Variants in MBNL2 observed in about 807,000 individuals in gnomAD.
The protein encoded by MBNL2 is muscleblind-like protein 2.
A neutral mutation model predicts 41.9 loss-of-function variants in MBNL2; 17 were observed. The ratio of observed to expected loss-of-function variants is 0.41; its 90% CI spans 0.28 to 0.61. MBNL2 has a LOEUF of 0.61. Among genes scored for constraint, MBNL2 ranks in the 20% least tolerant of loss-of-function variants. The probability of loss-of-function intolerance (pLI) is 0.35; values close to 1 mark genes in which losing one functional copy is unlikely to be tolerated. For missense variants in MBNL2, 336 were observed against 505.6 expected (o/e 0.66, Z 3.22); for synonymous variants, 195 against 182.9 (o/e 1.07, Z -0.53).
At chr13:97,158,702 G>A in the MBNL2 span, among the ~76,000 whole-genome samples, 402 of 151,972 alleles carry the variant, frequency 2.6e-3, 1 homozygote, top group Middle Eastern at 3.4e-3. Context: ...GTAGTTGAGC[G>A]GTTTTGAGTG....
At chr13:97,285,815 G>A (rs947464115) in intron 2 of MBNL2, among the ~76,000 whole-genome samples, 1 of 151,920 alleles carries the variant, frequency 6.6e-6, no homozygotes, top group East Asian at 1.9e-4. Context: ...CTGATTTGGT[G>A]ATTCACTCTC....
At chr13:97,240,801 A>C (rs1035345854) in intron 1 of MBNL2, among the ~76,000 whole-genome samples, 5 of 152,144 alleles carry the variant, frequency 3.3e-5, no homozygotes, top group African/African-American at 1.2e-4. Context: ...CTACATTTGG[A>C]AAGTTTCATG....
chr13:97,292,461 G>A (rs1349377671), intron 2 of MBNL2, among the ~76,000 whole-genome samples: 7 of 152,092 alleles, frequency 4.6e-5, no homozygotes, highest in Non-Finnish European at 1.0e-4. Context: ...TGAAGCTCCC[G>A]TCACTAATAG....
intron 2 of MBNL2, among the ~76,000 whole-genome samples, chr13:97,322,801 C>A (rs2059612891): frequency 6.6e-6 from 1 of 152,178 alleles, no homozygotes; most frequent in Non-Finnish European, 1.5e-5. Flanking sequence ...ACACCAGCAA[C>A]CAAGGCACTC....
At chr13:97,321,527 G>A (rs1276383523) in intron 2 of MBNL2, among the ~76,000 whole-genome samples, 2 of 152,194 alleles carry the variant, frequency 1.3e-5, no homozygotes, top group African/African-American at 4.8e-5. Flanking sequence ...TAACCCCATA[G>A]TGTCTCCCAT....
At chr13:97,274,799 A>G (rs980691487) in intron 1 of MBNL2, among the ~76,000 whole-genome samples, 1 of 152,222 alleles carries the variant, frequency 6.6e-6, no homozygotes, top group Admixed American at 6.5e-5. Context: ...TATTTTAGAC[A>G]TCTGAACTTA....
chr13:97,192,067 C>G, the MBNL2 span, among the ~76,000 whole-genome samples: 4 of 152,184 alleles, frequency 2.6e-5, no homozygotes, highest in East Asian at 7.7e-4. Flanking sequence ...ATAACCTGAC[C>G]CCAGGCCTGT....
the MBNL2 span, among the ~76,000 whole-genome samples, chr13:97,177,476 T>C: frequency 6.6e-6 from 1 of 152,084 alleles, no homozygotes; most frequent in African/African-American, 2.4e-5. Context: ...AATAACTCTG[T>C]AGGAGTTTCA....
intron 2 of MBNL2, among the ~76,000 whole-genome samples, chr13:97,320,261 C>CTTTT (rs57742449): frequency 3.0e-5 from 4 of 134,538 alleles, no homozygotes; most frequent in Admixed American, 7.5e-5. Context: ...CTGGAAGGGT[C>CTTTT]TTTTTTTTTT....
At chr13:97,296,051 T>A (rs2056958888) in intron 2 of MBNL2, among the ~76,000 whole-genome samples, 1 of 152,196 alleles carries the variant, frequency 6.6e-6, no homozygotes, top group Non-Finnish European at 1.5e-5. Flanking sequence ...CAAGATATCT[T>A]ATTAGGTTTT....
chr13:97,146,271 C>T, the MBNL2 span, among the ~76,000 whole-genome samples: 1 of 151,764 alleles, frequency 6.6e-6, no homozygotes, highest in African/African-American at 2.4e-5. Context: ...AAAGTGCTGG[C>T]ATTACAGGCG....
At chr13:97,164,724 TTC>T in the MBNL2 span, among the ~76,000 whole-genome samples, 20 of 152,314 alleles carry the variant, frequency 1.3e-4, no homozygotes, top group Non-Finnish European at 2.2e-4. Flanking sequence ...GTGATTGATT[TTC>T]TCTGTTTCTA....
the MBNL2 span, among the ~76,000 whole-genome samples, chr13:97,181,436 A>C: frequency 1.3e-5 from 2 of 152,150 alleles, no homozygotes; most frequent in African/African-American, 2.4e-5. Context: ...TTTTCCCCTA[A>C]TCTGATAGAA....
At chr13:97,292,150 G>A (rs369690392) in intron 2 of MBNL2, among the ~76,000 whole-genome samples, 2 of 141,332 alleles carry the variant, frequency 1.4e-5, no homozygotes, top group Non-Finnish European at 3.0e-5. Context: ...GAAGTGAGCC[G>A]AGATCGCGCC....
chr13:97,247,796 G>T (rs1029411812), intron 1 of MBNL2, among the ~76,000 whole-genome samples: 6 of 152,060 alleles, frequency 3.9e-5, no homozygotes, highest in African/African-American at 1.4e-4. Flanking sequence ...GTTAATATTT[G>T]AATCTGCAGC....
chr13:97,146,272 A>G, the MBNL2 span, among the ~76,000 whole-genome samples: 10,181 of 151,710 alleles, frequency 0.067, 540 homozygotes, highest in African/African-American at 0.15. Context: ...AAGTGCTGGC[A>G]TTACAGGCGT....
chr13:97,156,822 G>C, the MBNL2 span, among the ~76,000 whole-genome samples: 1 of 152,172 alleles, frequency 6.6e-6, no homozygotes, highest in Non-Finnish European at 1.5e-5. Flanking sequence ...TTTGAAATCA[G>C]GTATTGTGAT....
chr13:97,305,490 A>C lies in MBNL2; in HGVS notation c.175-28786A>C, dbSNP rs149904930. On this transcript the variant is annotated intron_variant, in intron 2 of 8. Coordinates refer to ENST00000679496, the MANE Select transcript of MBNL2 (RefSeq NM_001382683.1). ...CTTCAAAATCCCAAATCAGCTGGGT[A>C]TGGTGATTCATGCTGGTAATCACAG... Among the ~76,000 whole-genome samples, 473 of 152,328 alleles carry C rather than the reference A, an allele frequency of 3.1e-3. 4 individuals carry two copies. Among genetic ancestry groups the C allele is most frequent in the African/African-American group, 0.011 (445 of 41,586 alleles).
the MBNL2 span, chr13:97,172,434 G>A: frequency 6.6e-6 from 1 of 152,182 alleles, no homozygotes; most frequent in African/African-American, 2.4e-5. Flanking sequence ...TTTCTGCTGT[G>A]GAAGAGCACC....
Sources: gnomAD v4.1 joint callset for allele counts (sites outside exome capture counted in the v4.1 genomes callset) on GRCh38, gnomAD v4.1.1 for gene constraint, MANE v1.5 for transcripts, NCBI Gene and HGNC (gene_info 2026-07-23, HGNC 2026-07-21) for gene names.